The following SYNJ2 variants were observed in gnomAD, a reference collection of about 807,000 sequenced individuals.
The protein encoded by SYNJ2 is polyphosphatidylinositol phosphatase SYNJ2.
A neutral mutation model predicts 141.3 loss-of-function variants in SYNJ2; 116 were observed. The ratio of observed to expected loss-of-function variants is 0.82; its 90% confidence interval spans 0.71 to 0.96. The LOEUF is 0.96. Ranked by LOEUF, SYNJ2 falls within the 40% of genes least tolerant of loss-of-function variation. The pLI is 0.00. For synonymous variants in SYNJ2, 745 were observed against 777.7 expected (o/e 0.96, Z 0.70); for missense variants, 1,873 against 1,934.8 (o/e 0.97, Z 0.60).
intron 8 of SYNJ2, 127 bp from the exon 9 acceptor site, chr6:158,063,659 CAAAAA>C (rs71298907): frequency 2.0e-3 from 371 of 188,422 alleles, no homozygotes; most frequent in South Asian, 2.3e-3. Context: ...GACTCTGTCT[CAAAAA>C]AAAAAAAAAA....
At chr6:158,006,061 A>G (rs1351595716) in intron 1 of SYNJ2, among the ~76,000 whole-genome samples, 1 of 152,016 alleles carries the variant, frequency 6.6e-6, no homozygotes, top group Non-Finnish European at 1.5e-5. Flanking sequence ...AGCTGCATCA[A>G]TCCTCGCCTC....
At chr6:158,007,420 G>C (rs1778114811) in intron 1 of SYNJ2, among the ~76,000 whole-genome samples, 1 of 152,198 alleles carries the variant, frequency 6.6e-6, no homozygotes, top group Non-Finnish European at 1.5e-5. Context: ...CAGATGCTCT[G>C]CCCAGACCTG....
Position 158,063,890 on chromosome 6 carries a change from C to T in SYNJ2, c.1209+18C>T. 6.2e-7 allele frequency: 1 copy of T among 1,612,888 alleles called. No homozygotes were observed. The highest frequency in any genetic ancestry group is 2.2e-5 in the East Asian group (1 of 44,826). Reference sequence around the variant, plus strand: ...CGCTCGAGGTGCGTCCCTGCCACAGCCTTTTCGGCCATCTGTGCCAGGTCC... The same window carrying T: ...CGCTCGAGGTGCGTCCCTGCCACAGTCTTTTCGGCCATCTGTGCCAGGTCC... On this transcript the variant is annotated intron_variant, in intron 9 of 26. Transcript: ENST00000355585.
chr6:158,096,564 C>T lies in SYNJ2; in HGVS notation c.*200C>T, dbSNP rs1161153432. Reference sequence around the variant, plus strand: ...CCACCAAAATATATTTCACTCAAGGCTTGTACATCTGAAGTTTGCTCTTCA... The same window carrying T: ...CCACCAAAATATATTTCACTCAAGGTTTGTACATCTGAAGTTTGCTCTTCA... On this transcript the variant is annotated 3_prime_UTR_variant, in exon 27 of 27. Coordinates refer to ENST00000355585, the MANE Select transcript of SYNJ2 (RefSeq NM_003898.4). 3.8e-6 allele frequency: 2 copies of T among 522,944 alleles called. No individual in the cohort carries two copies. The highest frequency in any genetic ancestry group is 5.0e-4 in the Middle Eastern group (1 of 1,996). The allele number at this position is 522,944 out of a possible 1,614,324, so 32.4% of individuals were successfully genotyped here.
At chr6:157,985,299 C>CT (rs1777159434) in intron 1 of SYNJ2, among the ~76,000 whole-genome samples, 1 of 152,244 alleles carries the variant, frequency 6.6e-6, no homozygotes, top group African/African-American at 2.4e-5. Context: ...CTAGGGCCGT[C>CT]TGGCCTGCTA....
intron 11 of SYNJ2, 62 bp from the exon 12 acceptor site, chr6:158,066,380 CTT>C: frequency 6.3e-7 from 1 of 1,586,174 alleles, no homozygotes; most frequent in African/African-American, 1.3e-5. Context: ...CCTCATCTGT[CTT>C]TTTGGAGGAT....
At position 158,089,875 on chromosome 6, in the gene SYNJ2, G is replaced by A. The variant is rs367810276; in HGVS notation, c.3493G>A (p.Val1165Ile). 1.2e-5 allele frequency: 20 copies of A among 1,614,084 alleles called. No homozygotes were observed. The highest frequency in any genetic ancestry group is 1.7e-5 in the Non-Finnish European group (20 of 1,180,010). Residue 1165 changes from valine (V) to isoleucine (I), a missense_variant, in exon 25 of 27, where the codon GTC becomes ATC. Coordinates refer to ENST00000355585, the MANE Select transcript of SYNJ2 (RefSeq NM_003898.4). ...GACTGGAATAAGTAAACCTTATAAT[G>A]TCAAGCAGATCAAAACCACCAATGC... ...ARTGISKPYN[V>I]KQIKTTNAQE...
chr6:158,042,900 A>G (rs773605582), intron 4 of SYNJ2, among the ~76,000 whole-genome samples: 1 of 152,192 alleles, frequency 6.6e-6, no homozygotes, highest in African/African-American at 2.4e-5. Flanking sequence ...TCCTTTTCTC[A>G]TAGCTCTCTT....
At chr6:158,007,809 A>T (rs1778128753) in intron 1 of SYNJ2, among the ~76,000 whole-genome samples, 2 of 152,020 alleles carry the variant, frequency 1.3e-5, no homozygotes, top group South Asian at 4.2e-4. Context: ...CACCTGGCTA[A>T]TTTTTATATT....
chr6:158,067,856 T>C, intron 12 of SYNJ2: 1 of 985,262 alleles, frequency 1.0e-6, no homozygotes, highest in Non-Finnish European at 1.2e-6. Context: ...CCATTCAGGA[T>C]GCCCTCCGGA....
At position 158,047,126 on chromosome 6, in the gene SYNJ2, G is replaced by A. The variant is rs551225892; in HGVS notation, c.795+3727G>A. Among the ~76,000 whole-genome samples the A allele has an allele frequency of 2.6e-5, 4 of 152,302 alleles. No individual in the cohort carries two copies. The South Asian group carries it at 8.3e-4, about 32-fold the overall frequency. On this transcript the variant is annotated intron_variant, in intron 5 of 26. Coordinates refer to ENST00000355585, the MANE Select transcript of SYNJ2 (RefSeq NM_003898.4). ...TTCCAAAAAGGACATGAGATGGCTT[G>A]TAGTATAACAGTTTCAAAAATAAGT...
chr6:158,037,354 C>T (rs951189609), intron 4 of SYNJ2, among the ~76,000 whole-genome samples: 6 of 150,170 alleles, frequency 4.0e-5, no homozygotes, highest in Non-Finnish European at 7.4e-5. Flanking sequence ...GGACTCCAGT[C>T]GTACTGGATC....
At chr6:158,021,185 C>T (rs1043452906) in intron 2 of SYNJ2, among the ~76,000 whole-genome samples, 10 of 152,222 alleles carry the variant, frequency 6.6e-5, no homozygotes, top group Non-Finnish European at 1.3e-4. Flanking sequence ...ACTCCTATCC[C>T]AGACTATAAT....
intron 26 of SYNJ2, 87 bp from the exon 27 acceptor site, chr6:158,095,531 T>A: frequency 6.8e-7 from 1 of 1,476,268 alleles, no homozygotes; most frequent in Non-Finnish European, 9.0e-7. Flanking sequence ...GTCTCATCTC[T>A]GTTCTCTGCT....
chr6:158,017,150 A>G, intron 1 of SYNJ2, 54 bp from the exon 2 acceptor site: 7 of 1,583,784 alleles, frequency 4.4e-6, no homozygotes, highest in South Asian at 1.1e-5. Context: ...GTGAATGAAC[A>G]GGAATGAGCA....
Position 157,988,967 on chromosome 6 carries a change from A to G in SYNJ2, c.127+6879A>G, listed in dbSNP as rs577977030. On this transcript the variant is annotated intron_variant, in intron 1 of 26. Transcript: ENST00000355585. The stretch of plus-strand genomic sequence containing the variant: ...GGGTACTGCTTCTTTTCGAGATCTC[A>G]CGGGCAGGAGCCTTCTGGCACTGTT... Among the ~76,000 whole-genome samples the G allele has an allele frequency of 1.6e-4, 25 of 152,276 alleles. No homozygotes were observed. In the East Asian group the frequency reaches 4.4e-3, roughly 27 times the overall value.
chr6:158,056,029 T>C (rs1763067089), intron 6 of SYNJ2, among the ~76,000 whole-genome samples: 1 of 152,140 alleles, frequency 6.6e-6, no homozygotes, highest in South Asian at 2.1e-4. Flanking sequence ...TGGCTGAGCT[T>C]GGTGGCTCAG....
intron 3 of SYNJ2, among the ~76,000 whole-genome samples, chr6:158,032,763 T>G (rs1306319690): frequency 6.6e-6 from 1 of 152,140 alleles, no homozygotes; most frequent in East Asian, 1.9e-4. Flanking sequence ...CCAAAGTACT[T>G]AGAATGGGGC....
At chr6:158,039,463 A>C (rs907782103) in intron 4 of SYNJ2, among the ~76,000 whole-genome samples, 14 of 152,176 alleles carry the variant, frequency 9.2e-5, no homozygotes, top group Non-Finnish European at 1.9e-4. Context: ...TGTGAGATTT[A>C]CCTGTTTCAG....
Sources: gnomAD v4.1 joint callset for allele counts (sites outside exome capture counted in the v4.1 genomes callset) on GRCh38, gnomAD v4.1.1 for gene constraint, MANE v1.5 for transcripts, NCBI Gene and HGNC (gene_info 2026-07-23, HGNC 2026-07-21) for gene names.